Variants in SCML2 observed in about 807,000 individuals in gnomAD.
SCML2 encodes sex comb on midleg-like protein 2.
In SCML2, 6 loss-of-function variants were observed where a neutral mutation model predicts 48.4. The ratio of observed to expected loss-of-function variants is 0.12; its 90% CI spans 0.07 to 0.24. The LOEUF (loss-of-function observed/expected upper bound fraction) is 0.24, where lower values mean the gene tolerates loss of function less well. Ranked by LOEUF, SCML2 falls within the 10% of genes least tolerant of loss-of-function variation. The pLI is 1.00. For synonymous variants in SCML2, 181 were observed against 189.5 expected, an observed-to-expected ratio of 0.95 and a Z score of 0.37; for missense variants, 377 against 528.2, an observed-to-expected ratio of 0.71 and a Z score of 2.81.
At chrX:18,256,665 G>T (rs1926854459) in intron 11 of SCML2, among the ~76,000 whole-genome samples, 183 bp downstream of exon 11, 1 of 112,042 alleles carries the variant, frequency 8.9e-6, no homozygotes. Flanking sequence ...CTTTGATTCT[G>T]AAGTTCATTA....
chrX:18,270,019 G>C (rs1927394988), intron 7 of SCML2, among the ~76,000 whole-genome samples: 2 of 83,398 alleles, frequency 2.4e-5, no homozygotes, highest in South Asian at 1.5e-3. Flanking sequence ...TAAAAACAAA[G>C]TACTATAAAT....
chrX:18,328,021 A>C (rs1306387558), intron 3 of SCML2, among the ~76,000 whole-genome samples: 2 of 111,970 alleles, frequency 1.8e-5, no homozygotes, highest in African/African-American at 3.2e-5. Flanking sequence ...CTATCTCAGA[A>C]GAGAGGCCTG....
rs1452884794 is a variant in SCML2 at position 18,273,580 on chromosome X, T to C, written c.731-7778A>G. 3.6e-5 allele frequency among the ~76,000 whole-genome samples: 4 copies of C among 111,724 alleles called. No homozygotes were observed. In the Admixed American group the frequency reaches 3.8e-4, roughly 11 times the overall value. On this transcript the variant is annotated intron_variant, in intron 7 of 14. Coordinates refer to ENST00000251900, the MANE Select transcript of SCML2 (RefSeq NM_006089.3). ...ACCTCCCAAGTATTTCCCAGATGTG[T>C]TATTCATGCCTGTCAATGACTTGAT...
intron 7 of SCML2, among the ~76,000 whole-genome samples, chrX:18,268,878 T>G (rs890638341): frequency 1.3e-4 from 14 of 111,495 alleles, no homozygotes; most frequent in Admixed American, 1.1e-3. Context: ...TGGTTTCAAT[T>G]ATCTCTTCTC....
intron 2 of SCML2, among the ~76,000 whole-genome samples, chrX:18,331,259 C>CAAAAAAAA (rs35589774): frequency 4.9e-4 from 8 of 16,265 alleles, no homozygotes; most frequent in African/African-American, 1.5e-3. Flanking sequence ...GACTCCGTCT[C>CAAAAAAAA]AAAAAAAAAA....
chrX:18,272,832 G>C, intron 7 of SCML2, among the ~76,000 whole-genome samples: 1 of 111,327 alleles, frequency 9.0e-6, no homozygotes, highest in Non-Finnish European at 1.9e-5. Context: ...CTCCAAAGAA[G>C]GAAATCCTAC....
chrX:18,268,358 C>T (rs772263879), intron 7 of SCML2, among the ~76,000 whole-genome samples: 50 of 111,029 alleles, frequency 4.5e-4, no homozygotes, highest in Non-Finnish European at 8.9e-4. Context: ...GGTGAAACCC[C>T]ATTTCTACTA....
intron 7 of SCML2, among the ~76,000 whole-genome samples, chrX:18,276,910 G>A (rs1927661262): frequency 1.8e-5 from 2 of 110,824 alleles, no homozygotes. Flanking sequence ...TAAAATGGAG[G>A]TGATGGTTGC....
chrX:18,332,874 G>A (rs1257927687), intron 2 of SCML2, among the ~76,000 whole-genome samples: 2 of 110,630 alleles, frequency 1.8e-5, no homozygotes, highest in Non-Finnish European at 3.8e-5. Flanking sequence ...ACCTGCTTGG[G>A]AGGCCAAGGC....
intron 7 of SCML2, among the ~76,000 whole-genome samples, chrX:18,285,649 G>C (rs5909173): frequency 0.27 from 30,106 of 110,055 alleles, 3,573 homozygotes; most frequent in African/African-American, 0.45. Context: ...TACATGTACC[G>C]TCTGTATCTA....
intron 1 of SCML2, among the ~76,000 whole-genome samples, chrX:18,343,351 GA>G (rs753294369): frequency 7.8e-5 from 8 of 102,306 alleles, no homozygotes; most frequent in African/African-American, 1.4e-4. Context: ...TTTCACTAGG[GA>G]AAAAAAAAAG....
At chrX:18,331,177 T>G (rs1247435257) in intron 2 of SCML2, among the ~76,000 whole-genome samples, 4 of 99,676 alleles carry the variant, frequency 4.0e-5, no homozygotes, top group Non-Finnish European at 7.9e-5. Context: ...AGAGAATCAC[T>G]TGAACCCGGG....
intron 1 of SCML2, among the ~76,000 whole-genome samples, chrX:18,351,735 C>T (rs1278844381): frequency 9.2e-6 from 1 of 108,419 alleles, no homozygotes; most frequent in African/African-American, 3.4e-5. Flanking sequence ...ACTGCTGTAT[C>T]CACCCGTGTT....
At chrX:18,351,777 T>C (rs931159991) in intron 1 of SCML2, among the ~76,000 whole-genome samples, 5 of 110,897 alleles carry the variant, frequency 4.5e-5, no homozygotes, top group African/African-American at 1.6e-4. Flanking sequence ...GTCATTGCTA[T>C]TAACCCCAAA....
rs1440029506 is a variant in SCML2, at chrX:18,285,610, G to A, written c.730+19362C>T. 2.7e-5 allele frequency among the ~76,000 whole-genome samples: 3 copies of A among 110,515 alleles called. No individual in the cohort carries two copies. The Admixed American group carries it at 2.9e-4, about 11-fold the overall frequency. On this transcript the variant is annotated intron_variant, in intron 7 of 14. Transcript: ENST00000251900. ...TTATTGGGTACTATGCTCACTACCT[G>A]GATGCAATATACCCATGTAACAATC...
intron 7 of SCML2, among the ~76,000 whole-genome samples, chrX:18,298,592 C>T (rs1333172315): frequency 8.9e-6 from 1 of 111,974 alleles, no homozygotes; most frequent in Non-Finnish European, 1.9e-5. Context: ...CGTGGTGGCT[C>T]ATGCCTGTAA....
intron 1 of SCML2, among the ~76,000 whole-genome samples, chrX:18,340,998 T>C (rs1025069568): frequency 3.6e-5 from 4 of 111,004 alleles, no homozygotes; most frequent in African/African-American, 9.8e-5. Context: ...TCTTATACTT[T>C]GTTGTTTTTA....
chrX:18,338,096 T>C (rs1929891162), intron 1 of SCML2, among the ~76,000 whole-genome samples: 2 of 112,060 alleles, frequency 1.8e-5, no homozygotes, highest in Non-Finnish European at 3.8e-5. Flanking sequence ...ATTTGTCCAT[T>C]GCAATGAAAG....
intron 7 of SCML2, among the ~76,000 whole-genome samples, chrX:18,287,937 C>T (rs780562145): frequency 9.0e-6 from 1 of 111,570 alleles, no homozygotes; most frequent in Admixed American, 9.6e-5. Context: ...TTCACAATTG[C>T]TACTCATATG....
Sources: gnomAD v4.1 joint callset for allele counts (sites outside exome capture counted in the v4.1 genomes callset) on GRCh38, gnomAD v4.1.1 for gene constraint, MANE v1.5 for transcripts, NCBI Gene and HGNC (gene_info 2026-07-23, HGNC 2026-07-21) for gene names.